TLR4: variants seen among roughly 807,000 people sequenced by gnomAD.
The protein encoded by TLR4 is toll-like receptor 4.
TLR4 carries 17 observed loss-of-function variants against 27.4 expected under a neutral mutation model. The observed-to-expected ratio is 0.62, with a 90% CI of 0.42 to 0.93. The LOEUF is 0.93. TLR4 is among the 40% of genes least tolerant of loss of function. The pLI, the probability that TLR4 is intolerant of heterozygous loss-of-function variation, is 0.00. For synonymous variants in TLR4, 363 were observed against 365.7 expected, an observed-to-expected ratio of 0.99 and a Z score of 0.08; for missense variants, 926 against 962.3, an observed-to-expected ratio of 0.96 and a Z score of 0.50.
Position 117,713,170 on chromosome 9 carries a change from T to C in TLR4, c.1042T>C (p.Leu348=). The C allele has an allele frequency of 4.3e-6, 7 of 1,614,032 alleles. No individual in the cohort carries two copies. The highest frequency in any genetic ancestry group is 2.2e-5 in the East Asian group (1 of 44,862). The change falls in exon 3 of 3, where the codon TTG becomes CTG. Residue 348 remains leucine, a synonymous_variant. Transcript: ENST00000355622. ...VNCKFGQFPT[L]KLKSLKRLTF... ...CTGTAAATTTGGACAGTTTCCCACATTGAAACTCAAATCTCTCAAAAGGCT... is the reference window on the plus strand; with the variant it reads ...CTGTAAATTTGGACAGTTTCCCACACTGAAACTCAAATCTCTCAAAAGGCT...
Position 117,714,772 on chromosome 9 carries a change from G to T in TLR4, c.*124G>T. The T allele has an allele frequency of 1.2e-6, 1 of 826,220 alleles. No individual in the cohort carries two copies. Among genetic ancestry groups the T allele is most frequent in the Non-Finnish European group, 2.0e-6 (1 of 499,088 alleles). 51.2% of individuals were successfully genotyped at this position (826,220 alleles called of 1,614,324 possible). On this transcript the variant is annotated 3_prime_UTR_variant, in exon 3 of 3. Coordinates refer to ENST00000355622, the MANE Select transcript of TLR4 (RefSeq NM_138554.5). ...TGCTAAGGGTGAGTAATTCCATGGT[G>T]CACTAGATATGCAGGGCTGCTAATC...
chr9:117,714,076 C>T lies in TLR4; in HGVS notation c.1948C>T (p.Leu650=). The part of the protein sequence containing the change: ...SVLVVSVVAV[L]VYKFYFHLML... ...GCTTGTAGTATCTGTTGTAGCAGTT[C>T]TGGTCTATAAGTTCTATTTTCACCT... The change falls in exon 3 of 3, where the codon CTG becomes TTG. Residue 650 remains leucine (L), a synonymous_variant. Transcript: ENST00000355622. The T allele has an allele frequency of 6.2e-7, 1 of 1,613,984 alleles. No homozygotes were observed. The highest frequency in any genetic ancestry group is 8.5e-7 in the Non-Finnish European group (1 of 1,179,998).
chr9:117,707,380 G>T (rs911142643), intron 1 of TLR4, among the ~76,000 whole-genome samples: 6 of 152,166 alleles, frequency 3.9e-5, no homozygotes, highest in Admixed American at 3.3e-4. Context: ...CAAGAACTAT[G>T]CAGGCATATG....
At chr9:117,704,661 A>G in intron 1 of TLR4, 96 bp downstream of exon 1, 2 of 1,074,796 alleles carry the variant, frequency 1.9e-6, no homozygotes, top group Non-Finnish European at 1.4e-6. Context: ...CAAAAAAAAA[A>G]AAGAGTTAAA....
At chr9:117,709,553 A>C (rs1829195605) in intron 2 of TLR4, among the ~76,000 whole-genome samples, 1 of 152,172 alleles carries the variant, frequency 6.6e-6, no homozygotes, top group Admixed American at 6.6e-5. Flanking sequence ...AGGGGAACCA[A>C]ATTCTAAAAG....
chr9:117,705,333 G>T (rs977236476), intron 1 of TLR4, among the ~76,000 whole-genome samples: 1 of 152,138 alleles, frequency 6.6e-6, no homozygotes, highest in Non-Finnish European at 1.5e-5. Context: ...GTGAGGCAGG[G>T]TCAGAAACTC....
chr9:117,711,551 C>T (rs1554753210), intron 2 of TLR4, among the ~76,000 whole-genome samples: 1 of 152,178 alleles, frequency 6.6e-6, no homozygotes, highest in Non-Finnish European at 1.5e-5. Context: ...ATATTGTACA[C>T]TCCAATTTCA....
Position 117,714,524 on chromosome 9 carries a change from A to T in TLR4, c.2396A>T (p.Asp799Val). 6.2e-7 allele frequency: 1 copy of T among 1,613,860 alleles called. No individual in the cohort carries two copies. The highest frequency in any genetic ancestry group is 8.5e-7 in the Non-Finnish European group (1 of 1,179,982). The change falls in exon 3 of 3, where the codon GAC becomes GTC. Residue 799 changes from aspartate to valine, a missense_variant. Transcript: ENST00000355622. Reference protein sequence around the residue: ...LSRNTYLEWEDSVLGRHIFWR... With the variant: ...LSRNTYLEWEVSVLGRHIFWR... ...AGGAACACTTACCTGGAGTGGGAGG[A>T]CAGTGTCCTGGGGCGGCACATCTTC...
intron 1 of TLR4, among the ~76,000 whole-genome samples, chr9:117,705,702 A>G (rs543274869): frequency 1.3e-5 from 2 of 152,182 alleles, no homozygotes; most frequent in African/African-American, 4.8e-5. Context: ...TCCTGATTCC[A>G]GTCTTCTTCC....
In TLR4 at chr9:117,718,896, G is replaced by C. The variant is rs1015487597; in HGVS notation, c.*4248G>C. The C allele has an allele frequency of 2.0e-5, 3 of 152,156 alleles. No individual in the cohort carries two copies. The highest frequency in any genetic ancestry group is 4.4e-5 in the Non-Finnish European group (3 of 68,022). 9.4% of individuals were successfully genotyped at this position (152,156 alleles called of 1,614,324 possible). Reference sequence around the variant, plus strand: ...TAACTAAAATTAGACATTTCTTTCTGATTCATTCTCTACTCACGGGATTGT... The same window carrying C: ...TAACTAAAATTAGACATTTCTTTCTCATTCATTCTCTACTCACGGGATTGT... On this transcript the variant is annotated 3_prime_UTR_variant, in exon 3 of 3. Transcript: ENST00000355622.
chr9:117,704,585 T>C lies in TLR4; in HGVS notation c.93+20T>C. On this transcript the variant is annotated intron_variant, in intron 1 of 2. Coordinates refer to ENST00000355622, the MANE Select transcript of TLR4 (RefSeq NM_138554.5). ...GTGGAGGTATGTGGCTGGAGTCAGC[T>C]CCTCTGAACTTTCCCTCACTTCTGC... 4 of 1,607,414 alleles carry C rather than the reference T, an allele frequency of 2.5e-6. No individual in the cohort carries two copies. The highest frequency in any genetic ancestry group is 3.4e-6 in the Non-Finnish European group (4 of 1,174,372).
rs548541626 is a variant in TLR4 at position 117,722,295 on chromosome 9, T to C, written c.*7647T>C. 2 of 152,314 alleles carry C rather than the reference T, an allele frequency of 1.3e-5. No individual in the cohort carries two copies. The highest frequency in any genetic ancestry group is 4.8e-5 in the African/African-American group (2 of 41,576). The allele number at this position is 152,314 out of a possible 1,614,324, so 9.4% of individuals were successfully genotyped here. The stretch of plus-strand genomic sequence containing the variant: ...AAACTTGCTGGGCCACTGCCAATCT[T>C]CCCAGAAACTCCTTTTTCCTTATCG... On this transcript the variant is annotated 3_prime_UTR_variant, in exon 3 of 3. Coordinates refer to ENST00000355622, the MANE Select transcript of TLR4 (RefSeq NM_138554.5).
rs1420130066 is a variant in TLR4 at position 117,714,171 on chromosome 9, A to C, written c.2043A>C (p.Ser681=). The part of the protein sequence containing the change: ...ENIYDAFVIY[S]SQDEDWVRNE... ...TCTATGATGCCTTTGTTATCTACTCAAGCCAGGATGAGGACTGGGTAAGGA... is the reference window on the plus strand; with the variant it reads ...TCTATGATGCCTTTGTTATCTACTCCAGCCAGGATGAGGACTGGGTAAGGA... The change falls in exon 3 of 3, where the codon TCA becomes TCC. Residue 681 remains serine, a synonymous_variant. Transcript: ENST00000355622. The C allele has an allele frequency of 6.2e-7, 1 of 1,614,004 alleles. No individual in the cohort carries two copies. Among genetic ancestry groups the C allele is most frequent in the Non-Finnish European group, 8.5e-7 (1 of 1,179,954 alleles).
At position 117,714,368 on chromosome 9, in the gene TLR4, G is replaced by A. The variant is rs767302974; in HGVS notation, c.2240G>A (p.Cys747Tyr). ...VSQHFIQSRW[C>Y]IFEYEIAQTW... ...CAGCACTTCATCCAGAGCCGCTGGTGTATCTTTGAATATGAGATTGCTCAG... is the reference window on the plus strand; with the variant it reads ...CAGCACTTCATCCAGAGCCGCTGGTATATCTTTGAATATGAGATTGCTCAG... The change falls in exon 3 of 3, where the codon TGT becomes TAT. Residue 747 changes from cysteine to tyrosine, a missense_variant. Physicochemically the swap from Cys to Tyr is radical, Grantham distance 194 (BLOSUM62 -2). Coordinates refer to ENST00000355622, the MANE Select transcript of TLR4 (RefSeq NM_138554.5). 1.9e-6 allele frequency: 3 copies of A among 1,603,242 alleles called. No individual in the cohort carries two copies. Among genetic ancestry groups the A allele is most frequent in the South Asian group, 2.2e-5 (2 of 90,964 alleles).
intron 2 of TLR4, 46 bp downstream of exon 2, chr9:117,708,775 G>T: frequency 1.2e-6 from 2 of 1,610,592 alleles, no homozygotes; most frequent in South Asian, 1.1e-5. Flanking sequence ...GGTGTTCATT[G>T]TCCTGTCATT....
chr9:117,711,577 C>A (rs1829231956), intron 2 of TLR4, among the ~76,000 whole-genome samples: 1 of 152,160 alleles, frequency 6.6e-6, no homozygotes, highest in African/African-American at 2.4e-5. Context: ...GTTCTCCAAC[C>A]ATGGAAGCTA....
chr9:117,712,048 A>T (rs775678595), intron 2 of TLR4, among the ~76,000 whole-genome samples: 6 of 152,182 alleles, frequency 3.9e-5, no homozygotes, highest in African/African-American at 7.2e-5. Flanking sequence ...GCTAAACTTG[A>T]TCCAAGGCTA....
At chr9:117,711,139 C>T (rs1293296168) in intron 2 of TLR4, among the ~76,000 whole-genome samples, 1 of 152,086 alleles carries the variant, frequency 6.6e-6, no homozygotes, top group Non-Finnish European at 1.5e-5. Flanking sequence ...GCAGAAACAC[C>T]AAACCCAAGC....
chr9:117,711,130 C>A (rs1028801275), intron 2 of TLR4, among the ~76,000 whole-genome samples: 2 of 152,156 alleles, frequency 1.3e-5, no homozygotes, highest in African/African-American at 4.8e-5. Context: ...GAGAGGACTG[C>A]AGAAACACCA....
Sources: allele counts gnomAD v4.1 joint callset (sites outside exome capture counted in the v4.1 genomes callset), GRCh38; gene constraint gnomAD v4.1.1; transcripts MANE v1.5; gene names NCBI Gene and HGNC (gene_info 2026-07-23, HGNC 2026-07-21).